Variants in YIF1B observed in about 807,000 individuals in gnomAD.
The protein encoded by YIF1B is Yip1 interacting factor homolog B, membrane trafficking protein.
A neutral mutation model predicts 34.6 loss-of-function variants in YIF1B; 24 were observed. That is an observed-to-expected ratio of 0.69 (90% CI 0.50 to 0.98). The LOEUF is 0.98. Among genes scored for constraint, YIF1B ranks in the 50% least tolerant of loss-of-function variants. The pLI, the probability that YIF1B is intolerant of heterozygous loss-of-function variation, is 0.00. For synonymous variants in YIF1B, 186 were observed against 184.8 expected (o/e 1.01, Z -0.05); for missense variants, 368 against 429.4 (o/e 0.86, Z 1.26).
At chr19:38,319,794 C>T (rs1378080383), upstream of YIF1B, 2 of 752,840 alleles carry the variant, frequency 2.7e-6, no homozygotes, top group Admixed American at 4.3e-5. Flanking sequence ...GGCATTCCTC[C>T]GTCGCCGCCC....
At chr19:38,311,798 G>A (rs1468610869) in intron 1 of YIF1B, among the ~76,000 whole-genome samples, 2 of 152,062 alleles carry the variant, frequency 1.3e-5, no homozygotes, top group Admixed American at 6.6e-5. Flanking sequence ...CAGAGGAGGT[G>A]TGTTAAGAAG....
At chr19:38,319,566 G>T (rs573216980), upstream of YIF1B, among the ~76,000 whole-genome samples, 9 of 152,314 alleles carry the variant, frequency 5.9e-5, no homozygotes, top group African/African-American at 2.2e-4. Context: ...TGTGCGCGAT[G>T]GGGGGCGACT....
At chr19:38,315,245 CAAAAAAAAA>C (rs76142078) in intron 1 of YIF1B, among the ~76,000 whole-genome samples, 7 of 91,136 alleles carry the variant, frequency 7.7e-5, no homozygotes, top group African/African-American at 2.1e-4. Context: ...AACTAGGTCT[CAAAAAAAAA>C]AAAAAAAGAA....
At chr19:38,315,245 CA>C (rs76142078) in intron 1 of YIF1B, among the ~76,000 whole-genome samples, 1,397 of 91,064 alleles carry the variant, frequency 0.015, 9 homozygotes, top group African/African-American at 0.043. Flanking sequence ...AACTAGGTCT[CA>C]AAAAAAAAAA....
intron 4 of YIF1B, 22 bp downstream of exon 4, chr19:38,308,957 C>T: frequency 6.2e-7 from 1 of 1,610,394 alleles, no homozygotes; most frequent in East Asian, 2.2e-5. Flanking sequence ...GAGGAGGGTG[C>T]AGGGTAGGGG....
Position 38,309,473 on chromosome 19 carries a change from C to T in YIF1B, c.229G>A (p.Val77Met), listed in dbSNP as rs769419165. The change falls in exon 2 of 8, where the codon GTG becomes ATG. Residue 77 changes from valine (V) to methionine (M), a missense_variant. By Grantham distance (21) the Val-to-Met change is conservative. Transcript: ENST00000339413. Reference sequence around the variant, plus strand: ...CCATAGGCCATGGCCATGTTGGACACCGGGTCAGCCAGGAAGGCTGCATGG... The same window carrying T: ...CCATAGGCCATGGCCATGTTGGACATCGGGTCAGCCAGGAAGGCTGCATGG... ...TPHAAFLADP[V>M]SNMAMAYGSS... 4 of 1,613,886 alleles carry T rather than the reference C, an allele frequency of 2.5e-6. No homozygotes were observed. In the African/African-American group the frequency reaches 4.0e-5, roughly 16 times the overall value.
In YIF1B at chr19:38,305,792, G is replaced by A. The variant is rs955984918; in HGVS notation, c.790-285C>T. On this transcript the variant is annotated intron_variant, in intron 7 of 7. Coordinates refer to ENST00000339413, the MANE Select transcript of YIF1B (RefSeq NM_001039672.3). ...TGGAGCGGGTGAAGGGGGACTTCCC[G>A]GTGGACACCCGGCCTGAGGGGGTGG... Among the ~76,000 whole-genome samples the A allele has an allele frequency of 2.0e-5, 3 of 152,220 alleles. No individual in the cohort carries two copies. In the East Asian group the frequency reaches 5.8e-4, roughly 29 times the overall value.
chr19:38,316,909 C>T (rs754096444), upstream of YIF1B, among the ~76,000 whole-genome samples: 7 of 152,170 alleles, frequency 4.6e-5, no homozygotes, highest in Non-Finnish European at 8.8e-5. Context: ...CATCCTCCTG[C>T]TTCAGCCTCC....
chr19:38,309,317 G>A lies in YIF1B; in HGVS notation c.309C>T (p.Phe103=). The change falls in exon 3 of 8, where the codon TTC becomes TTT. Residue 103 remains phenylalanine, a synonymous_variant. Transcript: ENST00000339413. ...KELVDKNIDR[F]IPITKLKYYF... ...AATACTTGAGCTTGGTGATGGGGAT[G>A]AAGCGGTCGATCTGGGGAGGCAGAG... 7 of 1,614,120 alleles carry A rather than the reference G, an allele frequency of 4.3e-6. No homozygotes were observed. The highest frequency in any genetic ancestry group is 5.9e-6 in the Non-Finnish European group (7 of 1,179,990).
At chr19:38,320,288 A>G (rs1969636018), upstream of YIF1B, 6 of 1,603,604 alleles carry the variant, frequency 3.7e-6, no homozygotes, top group East Asian at 1.3e-4. Context: ...TAAGCGCCTC[A>G]CCGCAAGGCG....
Position 38,304,558 on chromosome 19 carries a change from G to A in YIF1B, c.*794C>T. On this transcript the variant is annotated 3_prime_UTR_variant, in exon 8 of 8. Transcript: ENST00000339413. The stretch of plus-strand genomic sequence containing the variant: ...GGGTTGCCCCTGACCCCAGGGTCCT[G>A]CCTTAGGCCTCCAACTTCAGGGGGC... 6.2e-7 allele frequency: 1 copy of A among 1,601,702 alleles called. No homozygotes were observed. The highest frequency in any genetic ancestry group is 8.5e-7 in the Non-Finnish European group (1 of 1,174,668).
Position 38,307,681 on chromosome 19 carries a change from A to G in YIF1B, c.611T>C (p.Ile204Thr), listed in dbSNP as rs1338654405. Residue 204 changes from isoleucine (I) to threonine (T), a missense_variant, in exon 6 of 8, where the codon ATC becomes ACC. Physicochemically the swap from Ile to Thr is moderately conservative, Grantham distance 89. Transcript: ENST00000339413. ...AGTGACCAGATAGAGGCTGAGCAGG[A>G]TGGCCAGCACCTCCAGGGTCAGCCA... is the stretch of plus-strand genomic sequence containing the variant. ...LAWLTLEVLA[I>T]LLSLYLVTVN... 1.1e-5 allele frequency: 17 copies of G among 1,613,422 alleles called. No homozygotes were observed. The highest frequency in any genetic ancestry group is 1.4e-5 in the Non-Finnish European group (17 of 1,180,000).
Position 38,305,206 on chromosome 19 carries a change from G to A in YIF1B, c.*146C>T. The stretch of plus-strand genomic sequence containing the variant: ...TGGAGATCTCTCAGCACCTTGGGTT[G>A]GGGGCGGGGCTGGGCGGGACATGGG... On this transcript the variant is annotated 3_prime_UTR_variant, in exon 8 of 8. Transcript: ENST00000339413. The A allele has an allele frequency of 7.1e-7, 1 of 1,411,632 alleles. No homozygotes were observed. Among genetic ancestry groups the A allele is most frequent in the South Asian group, 1.5e-5 (1 of 68,540 alleles). The allele number at this position is 1,411,632 out of a possible 1,614,324, so 87.4% of individuals were successfully genotyped here.
rs200385197 is a variant in YIF1B, at chr19:38,305,235, G to T, written c.*117C>A. Reference sequence around the variant, plus strand: ...GCGGGGCTGGGCGGGACATGGGATGGAGGCGGTGCCTGTGGCCAGACAGGG... The same window carrying T: ...GCGGGGCTGGGCGGGACATGGGATGTAGGCGGTGCCTGTGGCCAGACAGGG... On this transcript the variant is annotated 3_prime_UTR_variant, in exon 8 of 8. Coordinates refer to ENST00000339413, the MANE Select transcript of YIF1B (RefSeq NM_001039672.3). 35 of 1,459,074 alleles carry T rather than the reference G, an allele frequency of 2.4e-5. No individual in the cohort carries two copies. The East Asian group carries it at 8.0e-4, about 33-fold the overall frequency. The allele number at this position is 1,459,074 out of a possible 1,614,324, so 90.4% of individuals were successfully genotyped here.
upstream of YIF1B, among the ~76,000 whole-genome samples, chr19:38,321,622 T>C (rs1046886499): frequency 1.3e-5 from 2 of 152,234 alleles, no homozygotes; most frequent in African/African-American, 4.8e-5. Context: ...TGTTGGGGAT[T>C]TGTTGAGGAG....
chr19:38,314,125 A>G (rs1225762095), intron 1 of YIF1B, among the ~76,000 whole-genome samples: 1 of 151,664 alleles, frequency 6.6e-6, no homozygotes. Flanking sequence ...TCCTGGGTTC[A>G]AGCGATTCTC....
At chr19:38,319,829 T>A, upstream of YIF1B, 1 of 1,006,728 alleles carries the variant, frequency 9.9e-7, no homozygotes, top group Non-Finnish European at 1.3e-6. Flanking sequence ...TTCCTCTTCC[T>A]CTTGGGGCAT....
intron 1 of YIF1B, among the ~76,000 whole-genome samples, chr19:38,310,882 G>C (rs749058771): frequency 1.1e-4 from 16 of 152,022 alleles, no homozygotes; most frequent in Non-Finnish European, 1.5e-4. Flanking sequence ...TCCCTTGGTG[G>C]CACTCCCCAC....
intron 1 of YIF1B, among the ~76,000 whole-genome samples, chr19:38,313,566 A>T (rs548179797): frequency 6.6e-6 from 1 of 152,214 alleles, no homozygotes; most frequent in Non-Finnish European, 1.5e-5. Flanking sequence ...GCCCAGAGTG[A>T]TCTTTTTAAA....
Sources: gnomAD v4.1 joint callset for allele counts (sites outside exome capture counted in the v4.1 genomes callset) on GRCh38, gnomAD v4.1.1 for gene constraint, MANE v1.5 for transcripts, NCBI Gene and HGNC (gene_info 2026-07-23, HGNC 2026-07-21) for gene names.